Variants in SAP30BP observed in about 807,000 individuals in gnomAD.
SAP30BP encodes the protein SAP30-binding protein.
In SAP30BP, 31 loss-of-function variants were observed where a neutral mutation model predicts 46.3. The ratio of observed to expected loss-of-function variants is 0.67; its 90% CI spans 0.50 to 0.90. The LOEUF (loss-of-function observed/expected upper bound fraction) is 0.90, where lower values mean the gene tolerates loss of function less well. SAP30BP is among the 40% of genes least tolerant of loss of function. The pLI is 0.00. For synonymous variants in SAP30BP, 169 were observed against 144.2 expected (o/e 1.17, Z -1.23); for missense variants, 312 against 391.0 (o/e 0.80, Z 1.70).
intron 4 of SAP30BP, among the ~76,000 whole-genome samples, chr17:75,697,580 G>C (rs2060342260): frequency 6.6e-6 from 1 of 152,206 alleles, no homozygotes; most frequent in African/African-American, 2.4e-5. Context: ...CCCAGTCTCT[G>C]TCCTCTTGCC....
intron 3 of SAP30BP, among the ~76,000 whole-genome samples, chr17:75,676,727 C>T (rs1425421092): frequency 3.9e-5 from 6 of 152,226 alleles, no homozygotes; most frequent in Non-Finnish European, 8.8e-5. Context: ...GAATATATTA[C>T]ATGCAGTAAG....
chr17:75,676,835 ATAGG>A (rs2059997362), intron 3 of SAP30BP, among the ~76,000 whole-genome samples: 2 of 152,282 alleles, frequency 1.3e-5, no homozygotes, highest in Non-Finnish European at 1.5e-5. Flanking sequence ...AAACTTTATC[ATAGG>A]TATGTATGTA....
chr17:75,698,950 T>C (rs899999624), intron 4 of SAP30BP, among the ~76,000 whole-genome samples: 1 of 152,154 alleles, frequency 6.6e-6, no homozygotes, highest in Non-Finnish European at 1.5e-5. Context: ...CCCAGCACTT[T>C]AGGAGGCTGA....
chr17:75,667,671 C>T (rs1281075067), intron 1 of SAP30BP, among the ~76,000 whole-genome samples, 193 bp downstream of exon 1: 1 of 152,102 alleles, frequency 6.6e-6, no homozygotes, highest in Non-Finnish European at 1.5e-5. Flanking sequence ...CCCGTTATTT[C>T]GATTAATTTG....
At chr17:75,682,628 T>C (rs1206704632) in intron 3 of SAP30BP, among the ~76,000 whole-genome samples, 3 of 152,188 alleles carry the variant, frequency 2.0e-5, no homozygotes, top group East Asian at 1.9e-4. Context: ...ATAATAGCAA[T>C]ATGACACAAA....
intron 1 of SAP30BP, 35 bp downstream of exon 1, chr17:75,667,513 G>A (rs1348393610): frequency 6.3e-7 from 1 of 1,592,144 alleles, no homozygotes; most frequent in Non-Finnish European, 8.6e-7. Flanking sequence ...AGGGGGAATC[G>A]GGTGTCTGCC....
At chr17:75,671,756 A>C (rs2148369087) in intron 2 of SAP30BP, 60 bp from the exon 3 acceptor site, 1 of 1,341,858 alleles carries the variant, frequency 7.5e-7, no homozygotes, top group Non-Finnish European at 1.1e-6. Flanking sequence ...CTAGTTATGC[A>C]TGTGAGACTC....
In SAP30BP at chr17:75,702,499, A is replaced by AT. The variant is rs2060428719; in HGVS notation, c.417dup (p.Glu140Ter). 6.4e-7 allele frequency: 1 copy of AT among 1,574,226 alleles called. No homozygotes were observed. The highest frequency in any genetic ancestry group is 8.7e-7 in the Non-Finnish European group (1 of 1,145,630). ...TCACAGGACAAGATCCAGAAGCTTT[A>AT]TGAACGAAAGATAAAGGAGGGAATG... On this transcript the variant is annotated frameshift_variant, in exon 6 of 11. Coordinates refer to ENST00000584667, the MANE Select transcript of SAP30BP (RefSeq NM_013260.8). LOFTEE classifies it high-confidence loss of function.
chr17:75,679,793 A>G (rs1244008710), intron 3 of SAP30BP: 1 of 152,174 alleles, frequency 6.6e-6, no homozygotes, highest in Non-Finnish European at 1.5e-5. Context: ...AGGAGGTGGC[A>G]CTGCTGTTCT....
chr17:75,687,951 TGTGTGAGAGA>T (rs767832783), intron 3 of SAP30BP, among the ~76,000 whole-genome samples: 397 of 97,634 alleles, frequency 4.1e-3, no homozygotes, highest in East Asian at 0.018. Flanking sequence ...TGTGTGTGTG[TGTGTGAGAGA>T]GACAGAGAGA....
chr17:75,686,935 G>C (rs2148396888), intron 3 of SAP30BP, among the ~76,000 whole-genome samples: 1 of 152,336 alleles, frequency 6.6e-6, no homozygotes, highest in East Asian at 1.9e-4. Flanking sequence ...TTTTATAAAG[G>C]TAATCCAGCA....
intron 2 of SAP30BP, among the ~76,000 whole-genome samples, chr17:75,671,084 A>G (rs2059901096): frequency 6.6e-6 from 1 of 152,150 alleles, no homozygotes; most frequent in Admixed American, 6.5e-5. Context: ...AGAATGCCTT[A>G]CCGTGTGTGA....
chr17:75,671,975 T>C (rs2059914286), intron 3 of SAP30BP, 112 bp downstream of exon 3: 2 of 866,196 alleles, frequency 2.3e-6, no homozygotes, highest in African/African-American at 1.7e-5. Context: ...TGTGCAACTG[T>C]GTGGACATTT....
chr17:75,703,449 G>C, intron 7 of SAP30BP, 78 bp downstream of exon 7: 2 of 1,324,986 alleles, frequency 1.5e-6, no homozygotes, highest in Non-Finnish European at 2.1e-6. Flanking sequence ...TTGACCTGCA[G>C]CCACAGAAAG....
chr17:75,705,237 G>A (rs2060477781), intron 9 of SAP30BP: 1 of 212,480 alleles, frequency 4.7e-6, no homozygotes, highest in South Asian at 7.0e-5. Flanking sequence ...TCCCACGTTA[G>A]GGCCCTGAGC....
intron 3 of SAP30BP, chr17:75,692,381 C>G (rs1440558908): frequency 1.0e-6 from 1 of 985,380 alleles, no homozygotes; most frequent in Non-Finnish European, 1.2e-6. Context: ...CTCCCTCACT[C>G]ATCAGCAGGA....
intron 3 of SAP30BP, among the ~76,000 whole-genome samples, chr17:75,687,775 C>T (rs983143249): frequency 2.0e-5 from 3 of 151,830 alleles, no homozygotes; most frequent in Admixed American, 1.3e-4. Flanking sequence ...TCTTCTGCTG[C>T]CTGTCCGTCT....
intron 1 of SAP30BP, 152 bp from the exon 2 acceptor site, chr17:75,668,364 G>A: frequency 1.8e-6 from 1 of 546,208 alleles, no homozygotes. Context: ...GCCGAATCTG[G>A]GCCTATTGTA....
At position 75,702,483 on chromosome 17, in the gene SAP30BP, A is replaced by G. The variant is rs762867735; in HGVS notation, c.400A>G (p.Lys134Glu). ...CCCCCTCTGCTCCTCTTCACAGGAC[A>G]AGATCCAGAAGCTTTATGAACGAAA... Reference protein sequence around the residue: ...PGRCSNHLQDKIQKLYERKIK... With the variant: ...PGRCSNHLQDEIQKLYERKIK... Residue 134 changes from lysine to glutamate, a missense_variant, in exon 6 of 11, where the codon AAG becomes GAG. This residue lies in a region of SAP30BP where 296 missense variants were observed against 346.6 expected (regional missense o/e 0.85). Coordinates refer to ENST00000584667, the MANE Select transcript of SAP30BP (RefSeq NM_013260.8). 1 of 1,512,724 alleles carries G rather than the reference A, an allele frequency of 6.6e-7. No homozygotes were observed. The highest frequency in any genetic ancestry group is 9.2e-7 in the Non-Finnish European group (1 of 1,090,264). 93.7% of individuals were successfully genotyped at this position (1,512,724 alleles called of 1,614,324 possible). A position where few individuals can be genotyped will look rare whatever the true frequency, so the allele number is the denominator to read the frequency against.
Sources: allele counts gnomAD v4.1 joint callset (sites outside exome capture counted in the v4.1 genomes callset), GRCh38; gene constraint gnomAD v4.1.1; regional missense constraint gnomAD v4.1.1; transcripts MANE v1.5; gene names NCBI Gene and HGNC (gene_info 2026-07-23, HGNC 2026-07-21).